TSEN15: variants seen among roughly 807,000 people sequenced by gnomAD.
TSEN15 encodes the protein tRNA splicing endonuclease subunit 15, also known as tRNA-splicing endonuclease subunit Sen15.
TSEN15 carries 10 observed loss-of-function variants against 20.5 expected under a neutral mutation model. The ratio of observed to expected loss-of-function variants is 0.49; its 90% CI spans 0.30 to 0.83. TSEN15 has a LOEUF of 0.83. Among genes scored for constraint, TSEN15 ranks in the 40% least tolerant of loss-of-function variants. The pLI is 0.06. For missense variants in TSEN15, 180 were observed against 218.6 expected, an observed-to-expected ratio of 0.82 and a Z score of 1.11; for synonymous variants, 72 against 80.1, an observed-to-expected ratio of 0.90 and a Z score of 0.54.
rs879253779 is a variant in TSEN15, at chr1:184,072,258, A to G, written c.455A>G (p.Tyr152Cys). Residue 152 changes from tyrosine (Y) to cysteine (C), a missense_variant, in exon 4 of 5, where the codon TAT becomes TGT. By Grantham distance (194) the Tyr-to-Cys change is radical. This residue lies in a region of TSEN15 where 28 missense variants were observed against 28.7 expected (regional missense o/e 0.98). Transcript: ENST00000645668. ...AIVESDSTIV[Y>C]YKLTDGFMLP... ...GTGGAGTCTGATTCTACAATAGTCT[A>G]TTATAAACTTACTGATGGATTTATG... 1.2e-6 allele frequency: 2 copies of G among 1,613,116 alleles called. No homozygotes were observed. The highest frequency in any genetic ancestry group is 1.7e-6 in the Non-Finnish European group (2 of 1,179,528).
rs1167641203 is a variant in TSEN15, at chr1:184,051,833, C to T, written c.78C>T (p.Asp26=). ...CGGGCGGTGTTCGCGGCTTTGGCGACGGCGGTGGAGCTCCTTCGTGGGCCC... is the reference window on the plus strand; with the variant it reads ...CGGGCGGTGTTCGCGGCTTTGGCGATGGCGGTGGAGCTCCTTCGTGGGCCC... ...LGPGGVRGFG[D]GGGAPSWAPE... Residue 26 remains aspartate, a synonymous_variant, in exon 1 of 5, where the codon GAC becomes GAT. Transcript: ENST00000645668. The T allele has an allele frequency of 1.3e-6, 2 of 1,547,540 alleles. No homozygotes were observed. Among genetic ancestry groups the T allele is most frequent in the Non-Finnish European group, 1.7e-6 (2 of 1,146,446 alleles).
intron 3 of TSEN15, among the ~76,000 whole-genome samples, chr1:184,071,637 TA>T (rs948031304): frequency 4.5e-4 from 68 of 150,172 alleles, no homozygotes; most frequent in Admixed American, 1.0e-3. Context: ...GAAACTATAG[TA>T]AAAAAAAATA....
downstream of TSEN15, among the ~76,000 whole-genome samples, chr1:184,077,049 T>C (rs1651074121): frequency 6.6e-6 from 1 of 152,106 alleles, no homozygotes; most frequent in Non-Finnish European, 1.5e-5. Flanking sequence ...AATAACAGGC[T>C]TTAAATGTAG....
chr1:184,070,149 G>A (rs1650830226), intron 3 of TSEN15, among the ~76,000 whole-genome samples: 1 of 151,870 alleles, frequency 6.6e-6, no homozygotes, highest in Admixed American at 6.6e-5. Context: ...AATTGAGAAT[G>A]GAAAAAGAGT....
intron 3 of TSEN15, among the ~76,000 whole-genome samples, chr1:184,091,536 G>A (rs935176259): frequency 6.6e-6 from 1 of 152,036 alleles, no homozygotes; most frequent in Non-Finnish European, 1.5e-5. Context: ...TAGCTGTAGT[G>A]GCAGAGACAG....
intron 3 of TSEN15, among the ~76,000 whole-genome samples, chr1:184,083,256 A>G (rs957480925): frequency 6.6e-6 from 1 of 152,176 alleles, no homozygotes; most frequent in Non-Finnish European, 1.5e-5. Context: ...GCAGAGCTTC[A>G]TGTACCTCAG....
intron 3 of TSEN15, among the ~76,000 whole-genome samples, chr1:184,059,507 G>T (rs1264098491): frequency 6.6e-6 from 1 of 152,154 alleles, no homozygotes; most frequent in African/African-American, 2.4e-5. Flanking sequence ...GAATAGCCTT[G>T]TGAGTACCTC....
intron 3 of TSEN15, among the ~76,000 whole-genome samples, chr1:184,058,751 A>G (rs767601626): frequency 2.6e-5 from 4 of 152,084 alleles, no homozygotes; most frequent in Non-Finnish European, 4.4e-5. Flanking sequence ...TGTGAGGGCA[A>G]CTCACCATGA....
At chr1:184,072,049 A>T (rs1395253022) in intron 3 of TSEN15, 108 bp from the exon 4 acceptor site, 4 of 1,044,876 alleles carry the variant, frequency 3.8e-6, no homozygotes, top group Non-Finnish European at 5.4e-6. Flanking sequence ...TTTTTACTTC[A>T]GTTTGGTTTC....
intron 3 of TSEN15, among the ~76,000 whole-genome samples, chr1:184,087,824 G>A (rs1429302455): frequency 1.3e-5 from 2 of 152,140 alleles, no homozygotes; most frequent in Non-Finnish European, 2.9e-5. Flanking sequence ...TGTAAGAAAA[G>A]GAAATACAGG....
downstream of TSEN15, among the ~76,000 whole-genome samples, chr1:184,075,912 T>TATA (rs67808342): frequency 2.0e-3 from 170 of 85,540 alleles, no homozygotes; most frequent in African/African-American, 6.6e-3. Context: ...ATATATATAT[T>TATA]TTTTTTTTTC....
chr1:184,091,985 C>G (rs1207143999), intron 3 of TSEN15, among the ~76,000 whole-genome samples: 1 of 152,126 alleles, frequency 6.6e-6, no homozygotes, highest in Non-Finnish European at 1.5e-5. Context: ...TGGTGGGTGG[C>G]ACAGACACTG....
intron 3 of TSEN15, among the ~76,000 whole-genome samples, chr1:184,060,819 T>C (rs1650426608): frequency 6.6e-6 from 1 of 152,192 alleles, no homozygotes; most frequent in Non-Finnish European, 1.5e-5. Flanking sequence ...TCTTGCTTTA[T>C]TGGTTTTTAA....
intron 3 of TSEN15, among the ~76,000 whole-genome samples, chr1:184,082,472 A>G (rs937886174): frequency 1.3e-5 from 2 of 152,116 alleles, no homozygotes; most frequent in African/African-American, 4.8e-5. Context: ...TATGTGGAGT[A>G]TGTGGAGCTT....
chr1:184,077,951 T>C (rs554054821), downstream of TSEN15, among the ~76,000 whole-genome samples: 6 of 152,262 alleles, frequency 3.9e-5, no homozygotes, highest in African/African-American at 1.4e-4. Flanking sequence ...TTTAGAAAAT[T>C]ACATAAACTT....
intron 3 of TSEN15, among the ~76,000 whole-genome samples, chr1:184,061,986 T>C (rs1486942836): frequency 6.6e-6 from 1 of 152,188 alleles, no homozygotes; most frequent in Non-Finnish European, 1.5e-5. Flanking sequence ...TAAAACACTT[T>C]GTCATATTTT....
chr1:184,056,819 C>CT (rs556904326), intron 3 of TSEN15, among the ~76,000 whole-genome samples: 153 of 152,240 alleles, frequency 1.0e-3, no homozygotes, highest in Middle Eastern at 3.4e-3. Context: ...TCTGGGTTCT[C>CT]TATTATATTC....
chr1:184,051,957 GCTCT>G lies in TSEN15; in HGVS notation c.135+70_135+73del, dbSNP rs928685596. Reference sequence around the variant, plus strand: ...AACCCAGGCAGAACACTCCCAGGCAGCTCTCTTTCTTTCTTCCTCAGTGGGAGAC... The same window carrying G: ...AACCCAGGCAGAACACTCCCAGGCAGCTTTCTTTCTTCCTCAGTGGGAGAC... On this transcript the variant is annotated intron_variant, in intron 1 of 4. Transcript: ENST00000645668. 10 of 1,342,262 alleles carry G rather than the reference GCTCT, an allele frequency of 7.5e-6. No homozygotes were observed. In the African/African-American group the frequency reaches 1.5e-4, roughly 20 times the overall value. The allele number at this position is 1,342,262 out of a possible 1,614,324, so 83.1% of individuals were successfully genotyped here. A position where few individuals can be genotyped will look rare whatever the true frequency, so the allele number is the denominator to read the frequency against.
chr1:184,056,384 C>A (rs1650249874), intron 3 of TSEN15, among the ~76,000 whole-genome samples: 1 of 151,876 alleles, frequency 6.6e-6, no homozygotes, highest in South Asian at 2.1e-4. Flanking sequence ...CTGTTCATAT[C>A]TTTTGCCTGT....
Sources: allele counts gnomAD v4.1 joint callset (sites outside exome capture counted in the v4.1 genomes callset), GRCh38; gene constraint gnomAD v4.1.1; regional missense constraint gnomAD v4.1.1; transcripts MANE v1.5; gene names NCBI Gene and HGNC (gene_info 2026-07-23, HGNC 2026-07-21).